ZNF212: variants seen among roughly 807,000 people sequenced by gnomAD.
ZNF212 encodes the protein Zinc finger protein C2H2-150.
In ZNF212, 32 loss-of-function variants were observed where a neutral mutation model predicts 47.3. The ratio of observed to expected loss-of-function variants is 0.68; its 90% CI spans 0.51 to 0.91. The LOEUF is 0.91. Among genes scored for constraint, ZNF212 ranks in the 40% least tolerant of loss-of-function variants. The pLI, the probability that ZNF212 is intolerant of heterozygous loss-of-function variation, is 0.00. For synonymous variants in ZNF212, 242 were observed against 253.8 expected (o/e 0.95, Z 0.44); for missense variants, 555 against 622.8 (o/e 0.89, Z 1.16).
In ZNF212 at chr7:149,239,784, G is replaced by A. The variant is rs768112366; in HGVS notation, c.6G>A (p.Ala2=). M[A]ESAPARHRRK... ...GTTGAGGGGCGACTGGAGCCATGGC[G>A]GAGTCGGCGCCTGCTCGGGTAAAGA... The change falls in exon 1 of 5, where the codon GCG becomes GCA. Residue 2 remains alanine (A), a synonymous_variant. Transcript: ENST00000335870. The A allele has an allele frequency of 6.3e-5, 81 of 1,275,642 alleles. No homozygotes were observed. The highest frequency in any genetic ancestry group is 7.9e-5 in the Non-Finnish European group (79 of 1,003,370). The allele number at this position is 1,275,642 out of a possible 1,614,324, so 79.0% of individuals were successfully genotyped here.
chr7:149,241,726 T>G (rs923890910), intron 1 of ZNF212, among the ~76,000 whole-genome samples: 3 of 152,188 alleles, frequency 2.0e-5, no homozygotes, highest in African/African-American at 7.2e-5. Flanking sequence ...AAGCCAACTT[T>G]GAGGGCATTG....
intron 1 of ZNF212, among the ~76,000 whole-genome samples, chr7:149,248,957 C>T (rs112988633): frequency 0.014 from 2,091 of 152,198 alleles, 23 homozygotes; most frequent in South Asian, 0.034. Context: ...CAGTTCTTTC[C>T]GAGATATTTC....
chr7:149,248,675 C>T (rs566184241), intron 1 of ZNF212, among the ~76,000 whole-genome samples: 10 of 152,336 alleles, frequency 6.6e-5, no homozygotes, highest in African/African-American at 2.2e-4. Context: ...AGAGGAGACT[C>T]ACAGACTTAA....
chr7:149,244,546 C>A (rs896031206), intron 1 of ZNF212, among the ~76,000 whole-genome samples: 48 of 152,278 alleles, frequency 3.2e-4, no homozygotes, highest in African/African-American at 1.1e-3. Flanking sequence ...ATCTCCTGAC[C>A]TCATGATCCG....
chr7:149,253,883 C>T lies in ZNF212; in HGVS notation c.956C>T (p.Ser319Phe). The T allele has an allele frequency of 6.2e-7, 1 of 1,614,046 alleles. No individual in the cohort carries two copies. The highest frequency in any genetic ancestry group is 8.5e-7 in the Non-Finnish European group (1 of 1,180,024). ...KKDTSRPYEC[S>F]ECEITFRYKQ... ...GACACTTCCCGCCCCTACGAATGTT[C>T]TGAGTGTGAGATCACCTTCCGCTAT... The change falls in exon 5 of 5, where the codon TCT (serine) becomes TTT (phenylalanine). Residue 319 changes from serine to phenylalanine, a missense_variant. By Grantham distance (155) the Ser-to-Phe change is radical. Coordinates refer to ENST00000335870, the MANE Select transcript of ZNF212 (RefSeq NM_012256.4).
Position 149,254,597 on chromosome 7 carries a change from C to T in ZNF212, c.*182C>T. ...AACCCTGTGGAAGAAGAGTCCAGGC[C>T]AGGTCTTCATCCTGCTGCCAAGTTT... On this transcript the variant is annotated 3_prime_UTR_variant, in exon 5 of 5. Coordinates refer to ENST00000335870, the MANE Select transcript of ZNF212 (RefSeq NM_012256.4). This position sits in a 1 kb window ranked among gnomAD's most constrained non-coding sequence, Gnocchi z 4.5. The T allele has an allele frequency of 1.1e-6, 1 of 924,112 alleles. No homozygotes were observed. Among genetic ancestry groups the T allele is most frequent in the Non-Finnish European group, 1.5e-6 (1 of 650,728 alleles). 57.2% of individuals were successfully genotyped at this position (924,112 alleles called of 1,614,324 possible). A position where few individuals can be genotyped will look rare whatever the true frequency, so the allele number is the denominator to read the frequency against.
chr7:149,252,030 T>G (rs1020395742), intron 3 of ZNF212, among the ~76,000 whole-genome samples: 10 of 152,056 alleles, frequency 6.6e-5, no homozygotes, highest in African/African-American at 2.4e-4. Flanking sequence ...AAGCATTTTC[T>G]TGGTGTTTGG....
At chr7:149,245,011 A>C (rs1020249439) in intron 1 of ZNF212, among the ~76,000 whole-genome samples, 9 of 152,210 alleles carry the variant, frequency 5.9e-5, no homozygotes, top group Non-Finnish European at 1.3e-4. Flanking sequence ...TGGTTGGAAT[A>C]GATACCTAGG....
intron 3 of ZNF212, chr7:149,251,396 G>T (rs1796755028): frequency 6.4e-6 from 1 of 155,364 alleles, no homozygotes; most frequent in Non-Finnish European, 1.4e-5. Context: ...TGTTGGCCAA[G>T]CTGGTCTTGA....
In ZNF212 at chr7:149,254,496, G is replaced by A; in HGVS notation, c.*81G>A. 6.7e-7 allele frequency: 1 copy of A among 1,492,250 alleles called. No individual in the cohort carries two copies. Among genetic ancestry groups the A allele is most frequent in the Admixed American group, 2.3e-5 (1 of 42,996 alleles). The allele number at this position is 1,492,250 out of a possible 1,614,324, so 92.4% of individuals were successfully genotyped here. Reference sequence around the variant, plus strand: ...AAGAGACACTGCAGTCAGGGACTGAGTTCTTCCTGAGGGCAGTTGTTTGTG... The same window carrying A: ...AAGAGACACTGCAGTCAGGGACTGAATTCTTCCTGAGGGCAGTTGTTTGTG... On this transcript the variant is annotated 3_prime_UTR_variant, in exon 5 of 5. Coordinates refer to ENST00000335870, the MANE Select transcript of ZNF212 (RefSeq NM_012256.4). The surrounding 1 kb of genome is among the most constrained non-coding windows in gnomAD (Gnocchi z 4.5).
At chr7:149,248,975 G>A (rs572172691) in intron 1 of ZNF212, among the ~76,000 whole-genome samples, 1 of 152,240 alleles carries the variant, frequency 6.6e-6, no homozygotes, top group African/African-American at 2.4e-5. Context: ...TTCCTCTAGT[G>A]TCTCGGTCTT....
rs1474359060 is a variant in ZNF212 at position 149,253,982 on chromosome 7, G to C, written c.1055G>C (p.Ser352Thr). The C allele has an allele frequency of 6.2e-7, 1 of 1,613,808 alleles. No individual in the cohort carries two copies. The highest frequency in any genetic ancestry group is 1.3e-5 in the African/African-American group (1 of 74,928). Residue 352 changes from serine to threonine, a missense_variant, in exon 5 of 5, where the codon AGC becomes ACC. Coordinates refer to ENST00000335870, the MANE Select transcript of ZNF212 (RefSeq NM_012256.4). The part of the protein sequence containing the change: ...GSCTPEEPEE[S>T]LRPRPRLKPQ... The stretch of plus-strand genomic sequence containing the variant: ...TGTACACCTGAGGAGCCAGAGGAGA[G>C]CCTTAGGCCCAGGCCACGGCTGAAA...
chr7:149,250,545 C>T lies in ZNF212; in HGVS notation c.411C>T (p.Pro137=). Residue 137 remains proline, a synonymous_variant, in exon 2 of 5, where the codon CCC becomes CCT. Transcript: ENST00000335870. ...RLPPGSKGEA[P]KVSRSLENDG... ...CCCCGGGCAGCAAGGGGGAGGCCCC[C>T]AAGGTAGTCTCATTGAGGATTAAAA... 1 of 1,610,536 alleles carries T rather than the reference C, an allele frequency of 6.2e-7. No individual in the cohort carries two copies. The highest frequency in any genetic ancestry group is 1.1e-5 in the South Asian group (1 of 90,880).
At chr7:149,240,971 C>T (rs947093297) in intron 1 of ZNF212, among the ~76,000 whole-genome samples, 2 of 152,220 alleles carry the variant, frequency 1.3e-5, no homozygotes, top group African/African-American at 4.8e-5. Context: ...ACAATATTAA[C>T]CTCATCTGAC....
rs752010981 is a variant in ZNF212, at chr7:149,253,961, C to CAA, written c.1035_1036insAA (p.Pro346AsnfsTer15). Reference sequence around the variant, plus strand: ...AGCCACTCTGGGTGGGGGTCTTGTACACCTGAGGAGCCAGAGGAGAGCCTT... The same window carrying CAA: ...AGCCACTCTGGGTGGGGGTCTTGTACAAACCTGAGGAGCCAGAGGAGAGCCTT... On this transcript the variant is annotated frameshift_variant, in exon 5 of 5. Coordinates refer to ENST00000335870, the MANE Select transcript of ZNF212 (RefSeq NM_012256.4). LOFTEE classifies it high-confidence loss of function. The CAA allele has an allele frequency of 3.1e-6, 5 of 1,614,004 alleles. No individual in the cohort carries two copies. The highest frequency in any genetic ancestry group is 4.2e-6 in the Non-Finnish European group (5 of 1,179,984).
chr7:149,240,797 A>C (rs1796576909), intron 1 of ZNF212, among the ~76,000 whole-genome samples: 1 of 152,222 alleles, frequency 6.6e-6, no homozygotes, highest in Non-Finnish European at 1.5e-5. Flanking sequence ...AGGGCTAAGG[A>C]AATTCTGTGG....
chr7:149,254,317 T>G lies in ZNF212; in HGVS notation c.1390T>G (p.Phe464Val). 1 of 1,613,746 alleles carries G rather than the reference T, an allele frequency of 6.2e-7. No individual in the cohort carries two copies. ...PYSCTECEKS[F>V]VQKQHLLQHQ... Reference sequence around the variant, plus strand: ...CAGCTGCACTGAGTGTGAGAAGAGCTTTGTCCAGAAGCAGCACCTCCTGCA... The same window carrying G: ...CAGCTGCACTGAGTGTGAGAAGAGCGTTGTCCAGAAGCAGCACCTCCTGCA... Residue 464 changes from phenylalanine to valine, a missense_variant, in exon 5 of 5, where the codon TTT (phenylalanine) becomes GTT (valine). By Grantham distance (50) the Phe-to-Val change is conservative. Coordinates refer to ENST00000335870, the MANE Select transcript of ZNF212 (RefSeq NM_012256.4). This position sits in a 1 kb window ranked among gnomAD's most constrained non-coding sequence, Gnocchi z 4.5.
rs763972479 is a variant in ZNF212, at chr7:149,254,278, G to A, written c.1351G>A (p.Gly451Ser). 1 of 1,614,232 alleles carries A rather than the reference G, an allele frequency of 6.2e-7. No homozygotes were observed. The highest frequency in any genetic ancestry group is 8.5e-7 in the Non-Finnish European group (1 of 1,180,052). The change falls in exon 5 of 5, where the codon GGT (glycine) becomes AGT (serine). Residue 451 changes from glycine (G) to serine (S), a missense_variant. Physicochemically the swap from Gly to Ser is moderately conservative, Grantham distance 56 (BLOSUM62 0). Transcript: ENST00000335870. This position sits in a 1 kb window ranked among gnomAD's most constrained non-coding sequence, Gnocchi z 4.5. ...DLVRHQRIHT[G>S]ERPYSCTECE... ...GGTGCGGCACCAGCGCATCCACACGGGTGAGCGGCCCTACAGCTGCACTGA... is the reference window on the plus strand; with the variant it reads ...GGTGCGGCACCAGCGCATCCACACGAGTGAGCGGCCCTACAGCTGCACTGA...
chr7:149,250,271 C>G lies in ZNF212; in HGVS notation c.137C>G (p.Ala46Gly). The G allele has an allele frequency of 6.2e-7, 1 of 1,613,626 alleles. No individual in the cohort carries two copies. The highest frequency in any genetic ancestry group is 1.1e-5 in the South Asian group (1 of 91,054). ...GAGATTTCACTCTGGACGGTGGTGG[C>G]CGCTATTCAGGCTGTGGAGAAGAAG... ...TTEISLWTVV[A>G]AIQAVEKKME... is the part of the protein sequence containing the mutation. The change falls in exon 2 of 5, where the codon GCC becomes GGC. Residue 46 changes from alanine to glycine, a missense_variant. Physicochemically the swap from Ala to Gly is moderately conservative, Grantham distance 60 (BLOSUM62 0). Coordinates refer to ENST00000335870, the MANE Select transcript of ZNF212 (RefSeq NM_012256.4).
Sources: allele counts gnomAD v4.1 joint callset (sites outside exome capture counted in the v4.1 genomes callset), GRCh38; gene constraint gnomAD v4.1.1; non-coding constraint Gnocchi (gnomAD v3.1); transcripts MANE v1.5; gene names NCBI Gene and HGNC (gene_info 2026-07-23, HGNC 2026-07-21).